MAP3K15: variants seen among roughly 807,000 people sequenced by gnomAD.
The protein encoded by MAP3K15 is MAPK/ERK kinase kinase 15.
In MAP3K15, 124 loss-of-function variants were observed where a neutral mutation model predicts 99.5. The ratio of observed to expected loss-of-function variants is 1.25; its 90% confidence interval spans 1.08 to 1.45. The LOEUF is 1.45. Ranked by LOEUF, MAP3K15 falls within the 40% of genes most tolerant of loss-of-function variation. MAP3K15 has a pLI of 0.00. For synonymous variants in MAP3K15, 494 were observed against 439.6 expected, an observed-to-expected ratio of 1.12 and a Z score of -1.55; for missense variants, 1,242 against 1,079.7, an observed-to-expected ratio of 1.15 and a Z score of -2.11.
At chrX:19,449,110 C>T (rs973500722) in intron 6 of MAP3K15, among the ~76,000 whole-genome samples, 1 of 109,663 alleles carries the variant, frequency 9.1e-6, no homozygotes, top group Non-Finnish European at 1.9e-5. Flanking sequence ...CTTTAAGCAA[C>T]CATAATTCCT....
chrX:19,363,549 T>G (rs1056106270), intron 25 of MAP3K15, among the ~76,000 whole-genome samples: 4 of 112,148 alleles, frequency 3.6e-5, no homozygotes, highest in Non-Finnish European at 7.5e-5. Context: ...CCTGGCTCCC[T>G]AAGTCAGATA....
At position 19,374,510 on chromosome X, in the gene MAP3K15, C is replaced by T. The variant is rs1032796753; in HGVS notation, c.2740G>A (p.Gly914Ser). The T allele has an allele frequency of 4.1e-6, 5 of 1,211,153 alleles. No homozygotes were observed. The highest frequency in any genetic ancestry group is 5.6e-6 in the Non-Finnish European group (5 of 895,289). The change falls in exon 20 of 29, where the codon GGC becomes AGC. Residue 914 changes from glycine (G) to serine (S), a missense_variant. By Grantham distance (56) the Gly-to-Ser change is moderately conservative (BLOSUM62 0). Coordinates refer to ENST00000338883, the MANE Select transcript of MAP3K15 (RefSeq NM_001001671.4). Reference sequence around the variant, plus strand: ...TTGAAGGCAATTCGGTTCTTCTTGCCCTTGTTCACCTGCCTTAAGAAACCC... The same window carrying T: ...TTGAAGGCAATTCGGTTCTTCTTGCTCTTGTTCACCTGCCTTAAGAAACCC... Reference protein sequence around the residue: ...REGFLRQVNKGKKNRIAFKPS... With the variant: ...REGFLRQVNKSKKNRIAFKPS...
chrX:19,367,589 C>T (rs1001391015), intron 25 of MAP3K15, among the ~76,000 whole-genome samples: 4 of 105,666 alleles, frequency 3.8e-5, no homozygotes, highest in Non-Finnish European at 5.7e-5. Flanking sequence ...TGACAGCATA[C>T]ACAACCTTTC....
At position 19,373,566 on chromosome X, in the gene MAP3K15, G is replaced by A. The variant is rs138433947; in HGVS notation, c.2903C>T (p.Ala968Val). 193 of 1,172,265 alleles carry A rather than the reference G, an allele frequency of 1.6e-4. No homozygotes were observed. In the Middle Eastern group the frequency reaches 1.7e-3, roughly 10 times the overall value. The change falls in exon 21 of 29, where the codon GCG becomes GTG. Residue 968 changes from alanine (A) to valine (V), a missense_variant. Ala to Val is a moderately conservative substitution (Grantham distance 64). Coordinates refer to ENST00000338883, the MANE Select transcript of MAP3K15 (RefSeq NM_001001671.4). ...GAGGTGGCCAAGGTGGTGCCTGGGC[G>A]CCCGGGTCCTCTCAAAGAGTGCGTC... ...QPDALFERTRAPRHHLGHLLS... is the reference protein window; with the variant it reads ...QPDALFERTRVPRHHLGHLLS...
intron 9 of MAP3K15, among the ~76,000 whole-genome samples, chrX:19,418,959 A>T: frequency 8.9e-6 from 1 of 111,773 alleles, no homozygotes. Flanking sequence ...GTGAAGGAGA[A>T]ATAAAATCCT....
chrX:19,478,397 T>A (rs2064267257), intron 3 of MAP3K15, among the ~76,000 whole-genome samples: 1 of 107,150 alleles, frequency 9.3e-6, no homozygotes, highest in Non-Finnish European at 1.9e-5. Context: ...AACTTAATTG[T>A]CTTTCTACCA....
chrX:19,452,374 G>GAGAAGAGAAGAGAAGAGAAGAGA lies in MAP3K15; in HGVS notation c.995+4538_995+4539insTCTCTTCTCTTCTCTTCTCTTCT, dbSNP rs2064059069. ...AGAAAGAGAAGAGAAGAGAAGAGAA[G>GAGAAGAGAAGAGAAGAGAAGAGA]AGAGAAAAGAAAAGAGAAAAGAAAA... On this transcript the variant is annotated intron_variant, in intron 6 of 28. Coordinates refer to ENST00000338883, the MANE Select transcript of MAP3K15 (RefSeq NM_001001671.4). 4.9e-5 allele frequency among the ~76,000 whole-genome samples: 2 copies of GAGAAGAGAAGAGAAGAGAAGAGA among 40,563 alleles called. 1 individual carries two copies. Among genetic ancestry groups the GAGAAGAGAAGAGAAGAGAAGAGA allele is most frequent in the Non-Finnish European group, 7.7e-5 (2 of 25,837 alleles). 35.2% of individuals were successfully genotyped at this position (40,563 alleles called of 115,157 possible).
Position 19,515,430 on chromosome X carries a change from G to C in MAP3K15, c.-169C>G, listed in dbSNP as rs1330848214. Reference sequence around the variant, plus strand: ...ACCGGGGACCCCGCGGCGGGCCGAAGACGGCAGTACCCCTAGGCTGCAGCC... The same window carrying C: ...ACCGGGGACCCCGCGGCGGGCCGAACACGGCAGTACCCCTAGGCTGCAGCC... On this transcript the variant is annotated 5_prime_UTR_variant, in exon 1 of 29. Transcript: ENST00000338883. Among the ~76,000 whole-genome samples the C allele has an allele frequency of 1.8e-5, 2 of 112,588 alleles. No individual in the cohort carries two copies. The highest frequency in any genetic ancestry group is 6.4e-5 in the African/African-American group (2 of 31,180).
chrX:19,480,938 A>G (rs1217979760), intron 3 of MAP3K15, among the ~76,000 whole-genome samples: 1 of 108,269 alleles, frequency 9.2e-6, no homozygotes, highest in Non-Finnish European at 1.9e-5. Flanking sequence ...AACATGGCAA[A>G]ACCCCATCTC....
chrX:19,379,737 C>T (rs1041667836), intron 19 of MAP3K15, among the ~76,000 whole-genome samples: 9 of 111,195 alleles, frequency 8.1e-5, no homozygotes, highest in African/African-American at 1.6e-4. Flanking sequence ...CCACCGCGCC[C>T]GGCCTATATT....
chrX:19,386,819 G>A (rs1283416898), intron 18 of MAP3K15, among the ~76,000 whole-genome samples: 1 of 111,078 alleles, frequency 9.0e-6, no homozygotes, highest in Non-Finnish European at 1.9e-5. Context: ...GTTTAGGGGG[G>A]TGGTGCTGAG....
At chrX:19,464,893 G>T (rs906253681) in intron 3 of MAP3K15, among the ~76,000 whole-genome samples, 1 of 111,247 alleles carries the variant, frequency 9.0e-6, no homozygotes, top group Non-Finnish European at 1.9e-5. Flanking sequence ...ATGAGTCTCA[G>T]ATCTCTTCTG....
At chrX:19,476,191 G>A (rs1174008909) in intron 3 of MAP3K15, among the ~76,000 whole-genome samples, 1 of 111,812 alleles carries the variant, frequency 8.9e-6, no homozygotes, top group Non-Finnish European at 1.9e-5. Context: ...GTGAGAAGAG[G>A]GAAATAAAGT....
At chrX:19,383,067 G>A (rs1415017534) in intron 18 of MAP3K15, among the ~76,000 whole-genome samples, 2 of 110,867 alleles carry the variant, frequency 1.8e-5, no homozygotes, top group Admixed American at 1.9e-4. Context: ...GTGTCACCCC[G>A]TACTTCCAGA....
At chrX:19,470,530 AC>A (rs1266176856) in intron 3 of MAP3K15, among the ~76,000 whole-genome samples, 1 of 71,878 alleles carries the variant, frequency 1.4e-5, no homozygotes, top group Admixed American at 2.0e-4. Flanking sequence ...GTGCACATGT[AC>A]CCTAAAACTT....
intron 21 of MAP3K15, chrX:19,373,071 GGGAGGGA>G: frequency 3.8e-6 from 1 of 266,222 alleles, no homozygotes; most frequent in African/African-American, 3.2e-5. Flanking sequence ...GGAGGAGGGA[GGGAGGGA>G]GGGAAGGGGG....
In MAP3K15 at chrX:19,380,646, C is replaced by T. The variant is rs2063452822; in HGVS notation, c.2432-369G>A. Among the ~76,000 whole-genome samples the T allele has an allele frequency of 2.7e-5, 3 of 111,942 alleles. No individual in the cohort carries two copies. In the Admixed American group the frequency reaches 2.8e-4, roughly 11 times the overall value. On this transcript the variant is annotated intron_variant, in intron 18 of 28. Coordinates refer to ENST00000338883, the MANE Select transcript of MAP3K15 (RefSeq NM_001001671.4). Reference sequence around the variant, plus strand: ...GTTCAAGCGATTCTCACGCCATAGCCACCCAAGTAGTTGGGATTAGAGGCA... The same window carrying T: ...GTTCAAGCGATTCTCACGCCATAGCTACCCAAGTAGTTGGGATTAGAGGCA...
chrX:19,453,177 A>C (rs1473750086), intron 6 of MAP3K15, among the ~76,000 whole-genome samples: 1 of 111,351 alleles, frequency 9.0e-6, no homozygotes, highest in Admixed American at 9.6e-5. Flanking sequence ...TAAGATGGTA[A>C]ATTTTATATG....
chrX:19,390,361 G>A (rs1356108103), intron 18 of MAP3K15, among the ~76,000 whole-genome samples: 1 of 89,544 alleles, frequency 1.1e-5, no homozygotes, highest in African/African-American at 4.3e-5. Context: ...AGGCTGGAGT[G>A]CAGTGGCACA....
Sources: allele counts gnomAD v4.1 joint callset (sites outside exome capture counted in the v4.1 genomes callset), GRCh38; gene constraint gnomAD v4.1.1; transcripts MANE v1.5; gene names NCBI Gene and HGNC (gene_info 2026-07-23, HGNC 2026-07-21).